DAB1: variants seen among roughly 807,000 people sequenced by gnomAD.
The protein encoded by DAB1 is disabled homolog 1.
Under a neutral mutation model 64.6 loss-of-function variants are expected in DAB1, and 15 were observed. That is an observed-to-expected ratio of 0.23 (90% CI 0.16 to 0.36). The LOEUF is 0.36. Ranked by LOEUF, DAB1 falls within the 10% of genes least tolerant of loss-of-function variation. The pLI is 1.00. For synonymous variants in DAB1, 235 were observed against 251.9 expected, an observed-to-expected ratio of 0.93 and a Z score of 0.64; for missense variants, 596 against 706.7, an observed-to-expected ratio of 0.84 and a Z score of 1.78.
intron 7 of DAB1, among the ~76,000 whole-genome samples, chr1:57,446,358 G>T (rs1392656976): frequency 6.6e-6 from 1 of 152,096 alleles, no homozygotes; most frequent in African/African-American, 2.4e-5. Context: ...AGCACTTTGG[G>T]AGGCTGAGGT....
chr1:58,002,140 G>A (rs1646515777), intron 5 of DAB1, among the ~76,000 whole-genome samples: 1 of 152,144 alleles, frequency 6.6e-6, no homozygotes, highest in South Asian at 2.1e-4. Flanking sequence ...AGCTTTTGTT[G>A]CTTTAAGTCA....
chr1:58,037,686 G>A (rs2100495911), intron 5 of DAB1, among the ~76,000 whole-genome samples: 1 of 152,138 alleles, frequency 6.6e-6, no homozygotes, highest in East Asian at 1.9e-4. Context: ...CCAGTCCCTG[G>A]TGCCAAAAAA....
chr1:57,310,060 C>A (rs1310511082), intron 1 of DAB1, among the ~76,000 whole-genome samples: 1 of 152,204 alleles, frequency 6.6e-6, no homozygotes, highest in African/African-American at 2.4e-5. Context: ...AGCTGTTTAC[C>A]ATACATTGTT....
intron 6 of DAB1, among the ~76,000 whole-genome samples, chr1:57,808,918 A>C (rs914474663): frequency 3.9e-5 from 6 of 152,106 alleles, no homozygotes; most frequent in Non-Finnish European, 7.4e-5. Flanking sequence ...GCTTTAGGAG[A>C]AGGTGTAACC....
At chr1:58,351,552 A>G (rs1400905564) in intron 3 of DAB1, among the ~76,000 whole-genome samples, 3 of 152,048 alleles carry the variant, frequency 2.0e-5, no homozygotes, top group Non-Finnish European at 4.4e-5. Flanking sequence ...TTGGCTCGGT[A>G]GATGGCTAAG....
At chr1:58,488,138 A>G (rs1028858703) in intron 3 of DAB1, among the ~76,000 whole-genome samples, 3 of 152,222 alleles carry the variant, frequency 2.0e-5, no homozygotes, top group African/African-American at 4.8e-5. Flanking sequence ...GTAAAAACTC[A>G]TGAAAATATA....
chr1:57,052,740 G>A (rs1183715021), intron 9 of DAB1, among the ~76,000 whole-genome samples: 1 of 152,134 alleles, frequency 6.6e-6, no homozygotes, highest in East Asian at 1.9e-4. Context: ...ATGTCCACTA[G>A]GGCAATCCCC....
intron 2 of DAB1, among the ~76,000 whole-genome samples, chr1:57,214,599 C>A (rs912671435): frequency 2.6e-5 from 4 of 152,116 alleles, no homozygotes; most frequent in African/African-American, 7.2e-5. Flanking sequence ...AGGGAGCACA[C>A]TTTCTGTTTC....
At chr1:57,013,306 A>G (rs1224608627) in intron 12 of DAB1, among the ~76,000 whole-genome samples, 1 of 152,244 alleles carries the variant, frequency 6.6e-6, no homozygotes, top group African/African-American at 2.4e-5. Context: ...TGATGGAGCC[A>G]GTTCCTGCCC....
chr1:58,254,405 T>A (rs940295721), intron 4 of DAB1, among the ~76,000 whole-genome samples: 27 of 149,670 alleles, frequency 1.8e-4, no homozygotes, highest in Non-Finnish European at 3.4e-4. Context: ...ATTTTTTTTT[T>A]ATTATACTTT....
At chr1:57,685,712 C>T (rs929691348) in intron 6 of DAB1, among the ~76,000 whole-genome samples, 1 of 151,856 alleles carries the variant, frequency 6.6e-6, no homozygotes, top group Non-Finnish European at 1.5e-5. Flanking sequence ...CCAGCACACA[C>T]TCAGATCACA....
At chr1:57,013,876 G>A (rs1198855700) in intron 12 of DAB1, among the ~76,000 whole-genome samples, 1 of 152,148 alleles carries the variant, frequency 6.6e-6, no homozygotes, top group African/African-American at 2.4e-5. Context: ...ATGAGCTGGA[G>A]GAGACTCACT....
chr1:58,368,098 T>C (rs1359124243), intron 3 of DAB1, among the ~76,000 whole-genome samples: 1 of 152,240 alleles, frequency 6.6e-6, no homozygotes, highest in African/African-American at 2.4e-5. Context: ...ACAAAATGTT[T>C]GCTTTCTGGA....
At chr1:57,081,731 G>A (rs1652574982) in intron 4 of DAB1, among the ~76,000 whole-genome samples, 2 of 152,128 alleles carry the variant, frequency 1.3e-5, no homozygotes, top group Non-Finnish European at 2.9e-5. Flanking sequence ...GGTAGCAGGA[G>A]GCTGACCTGG....
chr1:58,481,883 A>G (rs545939555), intron 3 of DAB1, among the ~76,000 whole-genome samples: 26 of 152,350 alleles, frequency 1.7e-4, no homozygotes, highest in African/African-American at 6.0e-4. Context: ...TTGTGAGGCC[A>G]TCCTCAGCCA....
At chr1:57,778,293 G>A (rs956099095) in intron 6 of DAB1, among the ~76,000 whole-genome samples, 4 of 151,796 alleles carry the variant, frequency 2.6e-5, no homozygotes, top group Non-Finnish European at 5.9e-5. Flanking sequence ...TTGAAATTAT[G>A]TTCTGCTACT....
At chr1:57,747,821 AAAAAAAAAAAAAG>A (rs946592369) in intron 6 of DAB1, among the ~76,000 whole-genome samples, 5 of 145,180 alleles carry the variant, frequency 3.4e-5, no homozygotes, top group African/African-American at 5.6e-5. Context: ...AAAAAAAAAA[AAAAAAAAAAAAAG>A]AATACCATTG....
chr1:57,847,327 A>T (rs1653334715), intron 1 of DAB1, among the ~76,000 whole-genome samples: 1 of 152,216 alleles, frequency 6.6e-6, no homozygotes, highest in South Asian at 2.1e-4. Flanking sequence ...AAGAAAAAAA[A>T]GGAAAACAAA....
intron 6 of DAB1, among the ~76,000 whole-genome samples, chr1:57,722,719 G>A (rs995948659): frequency 1.3e-5 from 2 of 152,156 alleles, no homozygotes; most frequent in African/African-American, 4.8e-5. Context: ...GCACTCATAC[G>A]TGACTGATGG....
Sources: allele counts gnomAD v4.1 joint callset (sites outside exome capture counted in the v4.1 genomes callset), GRCh38; gene constraint gnomAD v4.1.1; transcripts MANE v1.5; gene names NCBI Gene and HGNC (gene_info 2026-07-23, HGNC 2026-07-21).